The following NWD1 variants were observed in gnomAD, a reference collection of about 807,000 sequenced individuals.
The protein encoded by NWD1 is NACHT and WD repeat domain containing 1.
In NWD1, 129 loss-of-function variants were observed where a neutral mutation model predicts 135.1. The observed-to-expected ratio is 0.96, with a 90% CI of 0.83 to 1.11. NWD1 has a LOEUF of 1.11. NWD1 is among the 50% of genes least tolerant of loss of function. The pLI, the probability that NWD1 is intolerant of heterozygous loss-of-function variation, is 0.00. For synonymous variants in NWD1, 773 were observed against 786.0 expected, an observed-to-expected ratio of 0.98 and a Z score of 0.28; for missense variants, 1,740 against 1,851.3, an observed-to-expected ratio of 0.94 and a Z score of 1.10.
At chr19:16,755,602 T>C (rs912110429) in intron 6 of NWD1, among the ~76,000 whole-genome samples, 1 of 152,188 alleles carries the variant, frequency 6.6e-6, no homozygotes, top group Non-Finnish European at 1.5e-5. Flanking sequence ...TTGGCCAGGC[T>C]GGTCTCGAAC....
rs545264819 is a variant in NWD1, at chr19:16,773,403, T to C, written c.2608+80T>C. 6.4e-6 allele frequency: 8 copies of C among 1,255,904 alleles called. No individual in the cohort carries two copies. In the African/African-American group the frequency reaches 1.0e-4, roughly 16 times the overall value. The allele number at this position is 1,255,904 out of a possible 1,614,324, so 77.8% of individuals were successfully genotyped here. A position where few individuals can be genotyped will look rare whatever the true frequency, so the allele number is the denominator to read the frequency against. On this transcript the variant is annotated intron_variant, in intron 11 of 18. Coordinates refer to ENST00000524140, the MANE Select transcript of NWD1 (RefSeq NM_001007525.5). Reference sequence around the variant, plus strand: ...AGTGAAGGCCAGGTGTTTGAGGTTGTCCTCTGGGACTCCCCTGTGCTAGTT... The same window carrying C: ...AGTGAAGGCCAGGTGTTTGAGGTTGCCCTCTGGGACTCCCCTGTGCTAGTT...
Position 16,744,479 on chromosome 19 carries a change from A to C in NWD1, c.257A>C (p.Glu86Ala), listed in dbSNP as rs549380452. 35 of 1,535,582 alleles carry C rather than the reference A, an allele frequency of 2.3e-5. No homozygotes were observed. The African/African-American group carries it at 4.1e-4, about 18-fold the overall frequency. ...CLIPSRIDEK[E>A]WEVLRDHLTA... ...ATTCCCTCGCGGATCGATGAGAAGGAGTGGGAGGTATTGAGGGACCATCTG... is the reference window on the plus strand; with the variant it reads ...ATTCCCTCGCGGATCGATGAGAAGGCGTGGGAGGTATTGAGGGACCATCTG... Residue 86 changes from glutamate to alanine, a missense_variant, in exon 5 of 19, where the codon GAG (glutamate) becomes GCG (alanine). By Grantham distance (107) the Glu-to-Ala change is moderately radical (BLOSUM62 -1). Coordinates refer to ENST00000524140, the MANE Select transcript of NWD1 (RefSeq NM_001007525.5).
At chr19:16,721,097 G>A (rs1005398352) in intron 1 of NWD1, among the ~76,000 whole-genome samples, 11 of 151,972 alleles carry the variant, frequency 7.2e-5, no homozygotes, top group Admixed American at 3.3e-4. Flanking sequence ...TAATCTGCCT[G>A]TTTTGGCCTC....
At position 16,817,092 on chromosome 19, in the gene NWD1, G is replaced by C. The variant is rs1971086263; in HGVS notation, c.*2053G>C. ...GAGGCAGGTGGATCACCTGAGGTCA[G>C]GAGTTTGAGACCAGCCTGGACAACA... On this transcript the variant is annotated 3_prime_UTR_variant, in exon 19 of 19. Coordinates refer to ENST00000524140, the MANE Select transcript of NWD1 (RefSeq NM_001007525.5). 2 of 152,180 alleles carry C rather than the reference G, an allele frequency of 1.3e-5. No homozygotes were observed. Among genetic ancestry groups the C allele is most frequent in the Admixed American group, 6.6e-5 (1 of 15,260 alleles). The allele number at this position is 152,180 out of a possible 1,614,324, so 9.4% of individuals were successfully genotyped here.
chr19:16,795,352 A>C (rs768533949), intron 15 of NWD1, among the ~76,000 whole-genome samples: 20 of 151,976 alleles, frequency 1.3e-4, no homozygotes, highest in Non-Finnish European at 2.5e-4. Context: ...TGTCACCCCA[A>C]AGGAAACACA....
At chr19:16,776,093 T>A (rs946698203) in intron 11 of NWD1, among the ~76,000 whole-genome samples, 1 of 152,304 alleles carries the variant, frequency 6.6e-6, no homozygotes, top group Non-Finnish European at 1.5e-5. Flanking sequence ...GTGCTGTGAT[T>A]GATTAATGAT....
intron 12 of NWD1, among the ~76,000 whole-genome samples, chr19:16,787,904 AATCATCATCATCATCATCATCATC>A (rs149004219): frequency 2.1e-4 from 26 of 121,052 alleles, no homozygotes; most frequent in African/African-American, 5.7e-4. Flanking sequence ...TAATAATAAT[AATCATCATCATCATCATCATCATC>A]ATCATCATCA....
At chr19:16,784,865 G>C (rs531200223) in intron 12 of NWD1, among the ~76,000 whole-genome samples, 1 of 138,744 alleles carries the variant, frequency 7.2e-6, no homozygotes, top group Non-Finnish European at 1.5e-5. Flanking sequence ...GGGGGCGGAG[G>C]TTGCAGTGAG....
chr19:16,735,054 G>A (rs1027119302), intron 3 of NWD1, among the ~76,000 whole-genome samples: 12 of 151,908 alleles, frequency 7.9e-5, no homozygotes, highest in African/African-American at 2.2e-4. Flanking sequence ...ACATGCCACC[G>A]TGCCCGACTA....
In NWD1 at chr19:16,805,027, ATTTATT is replaced by A. The variant is rs560282521; in HGVS notation, c.3737-2544_3737-2539del. On this transcript the variant is annotated intron_variant, in intron 17 of 18. Transcript: ENST00000524140. ...AATTTTTAAAAATATTTATTTATTTATTTATTTTTATTTTTATTTTATTTTATTTTT... is the reference window on the plus strand; with the variant it reads ...AATTTTTAAAAATATTTATTTATTTATTTATTTTTATTTTATTTTATTTTT... Among the ~76,000 whole-genome samples, 27 of 150,938 alleles carry A rather than the reference ATTTATT, an allele frequency of 1.8e-4. 1 individual carries two copies. In the East Asian group the frequency reaches 4.1e-3, roughly 23 times the overall value.
chr19:16,801,092 A>G (rs976694684), intron 17 of NWD1, among the ~76,000 whole-genome samples: 1 of 152,104 alleles, frequency 6.6e-6, no homozygotes, highest in African/African-American at 2.4e-5. Flanking sequence ...AGCCTGACCA[A>G]CATGGAAAAA....
Position 16,749,930 on chromosome 19 carries a change from G to A in NWD1, c.1288G>A (p.Glu430Lys), listed in dbSNP as rs754646171. 9 of 1,613,516 alleles carry A rather than the reference G, an allele frequency of 5.6e-6. No individual in the cohort carries two copies. The highest frequency in any genetic ancestry group is 5.3e-5 in the African/African-American group (4 of 74,914). ...LLHTVSCRNF[E>K]SLVLLLDAMD... is the part of the protein sequence containing the mutation. ...CCACACTGTCTCTTGCAGAAACTTCGAGTCTCTCGTGCTCCTGCTGGATGC... is the reference window on the plus strand; with the variant it reads ...CCACACTGTCTCTTGCAGAAACTTCAAGTCTCTCGTGCTCCTGCTGGATGC... Residue 430 changes from glutamate (E) to lysine (K), a missense_variant, in exon 6 of 19, where the codon GAG becomes AAG. Physicochemically the swap from Glu to Lys is moderately conservative, Grantham distance 56. Coordinates refer to ENST00000524140, the MANE Select transcript of NWD1 (RefSeq NM_001007525.5).
At position 16,794,541 on chromosome 19, in the gene NWD1, C is replaced by A. The variant is rs1046605418; in HGVS notation, c.3292C>A (p.Leu1098Ile). 1.9e-6 allele frequency: 3 copies of A among 1,604,818 alleles called. No individual in the cohort carries two copies. The highest frequency in any genetic ancestry group is 2.6e-6 in the Non-Finnish European group (3 of 1,174,046). The change falls in exon 15 of 19, where the codon CTC becomes ATC. Residue 1098 changes from leucine to isoleucine, a missense_variant. Leu to Ile is a conservative substitution (Grantham distance 5). Transcript: ENST00000524140. ...RFLVVSEDES[L>I]LAAGFGRSVR... ...CCTGGTGGTCTCTGAAGATGAGTCC[C>A]TCCTCGCCGCAGGTAGCGTTTAGCT...
At chr19:16,784,232 G>A (rs1219024056) in intron 12 of NWD1, among the ~76,000 whole-genome samples, 2 of 151,550 alleles carry the variant, frequency 1.3e-5, no homozygotes, top group African/African-American at 2.4e-5. Context: ...GAAAAATTAA[G>A]TATACAGGAG....
intron 2 of NWD1, among the ~76,000 whole-genome samples, chr19:16,729,031 C>T (rs934790890): frequency 3.3e-5 from 5 of 151,584 alleles, no homozygotes; most frequent in East Asian, 1.9e-4. Flanking sequence ...ATTGGGAGGC[C>T]GAGGTGGGAG....
chr19:16,753,187 C>T (rs1041269635), intron 6 of NWD1, among the ~76,000 whole-genome samples: 4 of 152,294 alleles, frequency 2.6e-5, no homozygotes, highest in South Asian at 2.1e-4. Flanking sequence ...ACTCTTCCTT[C>T]GGCCCCTCTG....
Position 16,816,283 on chromosome 19 carries a change from GA to G in NWD1, c.*1247del, listed in dbSNP as rs1290693302. 6.6e-6 allele frequency: 1 copy of G among 152,192 alleles called. No individual in the cohort carries two copies. The highest frequency in any genetic ancestry group is 1.5e-5 in the Non-Finnish European group (1 of 68,042). The allele number at this position is 152,192 out of a possible 1,614,324, so 9.4% of individuals were successfully genotyped here. Reference sequence around the variant, plus strand: ...CTTCCAGTTGTAATAAGCAAAGCCAGAAATCCAGACTTTTATGCAAAAATGT... The same window carrying G: ...CTTCCAGTTGTAATAAGCAAAGCCAGAATCCAGACTTTTATGCAAAAATGT... On this transcript the variant is annotated 3_prime_UTR_variant, in exon 19 of 19. Coordinates refer to ENST00000524140, the MANE Select transcript of NWD1 (RefSeq NM_001007525.5).
At chr19:16,748,780 C>T (rs1177805268) in intron 5 of NWD1, among the ~76,000 whole-genome samples, 1 of 151,980 alleles carries the variant, frequency 6.6e-6, no homozygotes, top group Admixed American at 6.6e-5. Flanking sequence ...GCTAAGATCG[C>T]GCCACTCCAC....
At position 16,759,337 on chromosome 19, in the gene NWD1, C is replaced by T; in HGVS notation, c.1882C>T (p.Pro628Ser). ...PPSKELLRFP[P>S]LLWVRLRRDL... ...CAGCAAGGAGCTGCTGCGCTTCCCGCCCCTGCTGTGGGTGCGGCTTCGTCG... is the reference window on the plus strand; with the variant it reads ...CAGCAAGGAGCTGCTGCGCTTCCCGTCCCTGCTGTGGGTGCGGCTTCGTCG... The change falls in exon 7 of 19, where the codon CCC (proline) becomes TCC (serine). Residue 628 changes from proline (P) to serine (S), a missense_variant. Pro to Ser is a moderately conservative substitution (Grantham distance 74). Transcript: ENST00000524140. 1 of 1,613,958 alleles carries T rather than the reference C, an allele frequency of 6.2e-7. No individual in the cohort carries two copies. The highest frequency in any genetic ancestry group is 8.5e-7 in the Non-Finnish European group (1 of 1,179,950).
Sources: gnomAD v4.1 joint callset for allele counts (sites outside exome capture counted in the v4.1 genomes callset) on GRCh38, gnomAD v4.1.1 for gene constraint, MANE v1.5 for transcripts, NCBI Gene and HGNC (gene_info 2026-07-23, HGNC 2026-07-21) for gene names.